The following PTPRD variants were observed in gnomAD, a reference collection of about 807,000 sequenced individuals.
PTPRD encodes the protein receptor-type tyrosine-protein phosphatase delta.
In PTPRD, 34 loss-of-function variants were observed where a neutral mutation model predicts 214.5. The ratio of observed to expected loss-of-function variants is 0.16; its 90% CI spans 0.12 to 0.21. The LOEUF is 0.21. PTPRD is among the 10% of genes least tolerant of loss of function. PTPRD has a pLI of 1.00. For synonymous variants in PTPRD, 1,128 were observed against 845.7 expected, an observed-to-expected ratio of 1.33 and a Z score of -5.79; for missense variants, 2,545 against 2,398.7, an observed-to-expected ratio of 1.06 and a Z score of -1.27.
intron 2 of PTPRD, among the ~76,000 whole-genome samples, chr9:10,606,517 ACTT>A (rs2079413056): frequency 1.4e-5 from 2 of 147,448 alleles, no homozygotes; most frequent in South Asian, 2.2e-4. Flanking sequence ...ACACTCCATT[ACTT>A]CTTCTTTATT....
chr9:8,323,284 T>A (rs895826569), intron 44 of PTPRD, among the ~76,000 whole-genome samples: 1 of 152,208 alleles, frequency 6.6e-6, no homozygotes, highest in African/African-American at 2.4e-5. Flanking sequence ...TTCTCATGCC[T>A]GTGAACACAA....
chr9:9,132,331 T>C (rs1238929603), intron 10 of PTPRD, among the ~76,000 whole-genome samples: 1 of 152,194 alleles, frequency 6.6e-6, no homozygotes, highest in Non-Finnish European at 1.5e-5. Context: ...TTGAAGGTTG[T>C]GAATTTTCCT....
intron 7 of PTPRD, among the ~76,000 whole-genome samples, chr9:9,590,444 T>A (rs1395849035): frequency 2.0e-5 from 3 of 152,036 alleles, no homozygotes; most frequent in Non-Finnish European, 4.4e-5. Context: ...TGATCCCCAA[T>A]TTTAAGTGTT....
intron 8 of PTPRD, among the ~76,000 whole-genome samples, chr9:9,546,604 A>T (rs540875409): frequency 2.4e-4 from 37 of 151,932 alleles, no homozygotes; most frequent in Non-Finnish European, 4.3e-4. Context: ...TATATAAATT[A>T]TCCCTTTTAT....
rs547793771 is a variant in PTPRD at position 10,458,776 on chromosome 9, G to A, written c.-599-117759C>T. 2.7e-5 allele frequency among the ~76,000 whole-genome samples: 4 copies of A among 147,652 alleles called. No homozygotes were observed. The East Asian group carries it at 9.1e-4, about 34-fold the overall frequency. The stretch of plus-strand genomic sequence containing the variant: ...TGTATTTGCAAATGATACCCTTTAT[G>A]TAGAAAACGTCAAAGACACCACCAA... On this transcript the variant is annotated intron_variant, in intron 2 of 45. Transcript: ENST00000381196.
chr9:9,097,807 T>TA (rs1214069409), intron 10 of PTPRD, among the ~76,000 whole-genome samples: 1 of 112,642 alleles, frequency 8.9e-6, no homozygotes, highest in African/African-American at 3.6e-5. Flanking sequence ...TTACGAACTA[T>TA]TTTTCACGGA....
At chr9:9,694,919 C>G (rs551385530) in intron 7 of PTPRD, among the ~76,000 whole-genome samples, 12 of 152,298 alleles carry the variant, frequency 7.9e-5, no homozygotes, top group African/African-American at 2.6e-4. Context: ...TAAGCCTGGA[C>G]TCGGACTCCC....
rs535135320 is a variant in PTPRD, at chr9:9,579,225, A to C, written c.-286-4444T>G. ...TCTTAGTGGGCTGGTCCTCATTAAT[A>C]ACTACAGTTAACATTTACTGAACAC... On this transcript the variant is annotated intron_variant, in intron 7 of 45. Coordinates refer to ENST00000381196, the MANE Select transcript of PTPRD (RefSeq NM_002839.4). 2.0e-5 allele frequency among the ~76,000 whole-genome samples: 3 copies of C among 152,248 alleles called. No homozygotes were observed. In the South Asian group the frequency reaches 6.2e-4, roughly 32 times the overall value.
At chr9:8,505,069 C>A (rs1281883634) in intron 22 of PTPRD, among the ~76,000 whole-genome samples, 1 of 152,076 alleles carries the variant, frequency 6.6e-6, no homozygotes, top group African/African-American at 2.4e-5. Context: ...GAATAAAGAA[C>A]CCACAGCCAG....
At chr9:8,764,265 CA>C (rs1344409895) in intron 11 of PTPRD, among the ~76,000 whole-genome samples, 2 of 152,096 alleles carry the variant, frequency 1.3e-5, no homozygotes, top group African/African-American at 4.8e-5. Flanking sequence ...TGTTTCATTA[CA>C]AAGGGTGGTA....
chr9:10,089,206 AAAATAAAT>A (rs34355367), intron 3 of PTPRD, among the ~76,000 whole-genome samples: 28 of 142,640 alleles, frequency 2.0e-4, no homozygotes, highest in African/African-American at 4.4e-4. Context: ...AATCAGTCTC[AAAATAAAT>A]AAATAAATAA....
chr9:10,233,824 G>T (rs2099620315), intron 3 of PTPRD, among the ~76,000 whole-genome samples: 1 of 151,964 alleles, frequency 6.6e-6, no homozygotes, highest in Non-Finnish European at 1.5e-5. Context: ...AGAAGACCAT[G>T]ATTTGAATCA....
chr9:8,317,775 G>A lies in PTPRD; in HGVS notation c.*99C>T, dbSNP rs1160218953. On this transcript the variant is annotated 3_prime_UTR_variant, in exon 46 of 46. Coordinates refer to ENST00000381196, the MANE Select transcript of PTPRD (RefSeq NM_002839.4). Reference sequence around the variant, plus strand: ...AGTCCCACTAAGTAGTTGTTAGCTAGAAGTTAAGAAGGACTTCTCAAGTGC... The same window carrying A: ...AGTCCCACTAAGTAGTTGTTAGCTAAAAGTTAAGAAGGACTTCTCAAGTGC... 4.0e-6 allele frequency: 4 copies of A among 1,003,532 alleles called. No individual in the cohort carries two copies. The East Asian group carries it at 9.6e-5, about 24-fold the overall frequency. The allele number at this position is 1,003,532 out of a possible 1,614,324, so 62.2% of individuals were successfully genotyped here.
At chr9:10,305,781 G>A (rs1014324031) in intron 3 of PTPRD, among the ~76,000 whole-genome samples, 4 of 152,012 alleles carry the variant, frequency 2.6e-5, no homozygotes, top group South Asian at 2.1e-4. Context: ...AACAGATGCC[G>A]GAGAGGATGT....
At chr9:8,558,949 C>T (rs2085067732) in intron 14 of PTPRD, among the ~76,000 whole-genome samples, 1 of 152,082 alleles carries the variant, frequency 6.6e-6, no homozygotes, top group South Asian at 2.1e-4. Context: ...TGAGTAAATA[C>T]AAAAACACTC....
intron 39 of PTPRD, among the ~76,000 whole-genome samples, chr9:8,351,742 TAAAAAAAAAAAAA>T (rs71317359): frequency 1.1e-3 from 74 of 68,518 alleles, no homozygotes; most frequent in South Asian, 2.2e-3. Flanking sequence ...TGGCAAAGAG[TAAAAAAAAAAAAA>T]AAAAAAAAAA....
intron 3 of PTPRD, among the ~76,000 whole-genome samples, chr9:10,248,522 AAAAAT>A (rs757575014): frequency 0.32 from 25,754 of 81,612 alleles, 2,962 homozygotes; most frequent in East Asian, 0.55. Flanking sequence ...AAAAAAAAAA[AAAAAT>A]AAAAAAAATA....
At chr9:10,045,971 C>A (rs1201607382) in intron 3 of PTPRD, among the ~76,000 whole-genome samples, 1 of 151,594 alleles carries the variant, frequency 6.6e-6, no homozygotes, top group Admixed American at 6.6e-5. Flanking sequence ...TATCAATGGT[C>A]CTTTTTGTTT....
chr9:8,495,290 T>C (rs553623457), intron 26 of PTPRD, among the ~76,000 whole-genome samples: 10 of 152,328 alleles, frequency 6.6e-5, no homozygotes, highest in African/African-American at 2.4e-4. Context: ...GCAAAACTTA[T>C]GAGCTATCTT....
Sources: allele counts gnomAD v4.1 joint callset (sites outside exome capture counted in the v4.1 genomes callset), GRCh38; gene constraint gnomAD v4.1.1; transcripts MANE v1.5; gene names NCBI Gene and HGNC (gene_info 2026-07-23, HGNC 2026-07-21).